Variants in EGFR observed in about 807,000 individuals in gnomAD.
EGFR encodes the protein avian erythroblastic leukemia viral (v-erb-b) oncogene homolog.
Under a neutral mutation model 143.0 loss-of-function variants are expected in EGFR, and 58 were observed. The observed-to-expected ratio is 0.41, with a 90% CI of 0.33 to 0.50. The LOEUF (loss-of-function observed/expected upper bound fraction) is 0.50. Ranked by LOEUF, EGFR falls within the 20% of genes least tolerant of loss-of-function variation. The probability of loss-of-function intolerance (pLI) is 0.39; values close to 1 mark genes in which losing one functional copy is unlikely to be tolerated. For missense variants in EGFR, 1,307 were observed against 1,579.0 expected (o/e 0.83, Z 2.92); for synonymous variants, 613 against 594.4 (o/e 1.03, Z -0.45).
intron 20 of EGFR, among the ~76,000 whole-genome samples, chr7:55,191,511 G>A (rs999364123): frequency 3.3e-5 from 5 of 152,180 alleles, no homozygotes; most frequent in Non-Finnish European, 7.3e-5. Context: ...TTGAGGAACT[G>A]GATGGAGAAA....
At chr7:55,055,723 C>A (rs6954181) in intron 1 of EGFR, among the ~76,000 whole-genome samples, 1,679 of 147,948 alleles carry the variant, frequency 0.011, 29 homozygotes, top group African/African-American at 0.036. Context: ...CACACACACA[C>A]CACACACACA....
chr7:55,135,460 A>G (rs1794082943), intron 1 of EGFR, among the ~76,000 whole-genome samples: 1 of 152,096 alleles, frequency 6.6e-6, no homozygotes, highest in South Asian at 2.1e-4. Context: ...TTTGACAGGT[A>G]TCTTTGGATG....
intron 14 of EGFR, 97 bp downstream of exon 14, chr7:55,163,920 G>A: frequency 1.4e-6 from 2 of 1,402,954 alleles, no homozygotes; most frequent in Non-Finnish European, 1.0e-6. Context: ...GTGTGGGCAG[G>A]ACGGCCATCA....
intron 1 of EGFR, among the ~76,000 whole-genome samples, chr7:55,137,159 G>A (rs1397351531): frequency 6.6e-6 from 1 of 152,104 alleles, no homozygotes; most frequent in African/African-American, 2.4e-5. Context: ...TAGAGGGTAG[G>A]CCTTTAAGCG....
At chr7:55,157,610 A>G in intron 10 of EGFR, 53 bp from the exon 11 acceptor site, 1 of 1,505,950 alleles carries the variant, frequency 6.6e-7, no homozygotes, top group African/African-American at 1.4e-5. Flanking sequence ...TGTCTCATAC[A>G]AAAAAGAAAC....
At chr7:55,067,242 G>A (rs1163625711) in intron 1 of EGFR, among the ~76,000 whole-genome samples, 1 of 152,100 alleles carries the variant, frequency 6.6e-6, no homozygotes, top group Admixed American at 6.5e-5. Flanking sequence ...AGGTGGTTGT[G>A]TCTGCAGGAA....
At chr7:55,082,653 C>T (rs915689254) in intron 1 of EGFR, among the ~76,000 whole-genome samples, 9 of 152,212 alleles carry the variant, frequency 5.9e-5, no homozygotes, top group African/African-American at 1.9e-4. Flanking sequence ...ATAGACCACT[C>T]GTCCCTGTGG....
chr7:55,194,557 T>C (rs193092072), intron 22 of EGFR, among the ~76,000 whole-genome samples: 1 of 152,190 alleles, frequency 6.6e-6, no homozygotes. Context: ...CCTCCAGGTA[T>C]GTTCAGATAA....
At chr7:55,165,861 G>GT (rs1442200124) in intron 15 of EGFR, among the ~76,000 whole-genome samples, 1 of 152,210 alleles carries the variant, frequency 6.6e-6, no homozygotes, top group Non-Finnish European at 1.5e-5. Context: ...CTAGTTGATT[G>GT]TTAAGCTGTT....
chr7:55,156,817 G>A lies in EGFR; in HGVS notation c.1192G>A (p.Val398Ile), dbSNP rs757265130. Residue 398 changes from valine (V) to isoleucine (I), a missense_variant, in exon 10 of 28, where the codon GTA (valine) becomes ATA (isoleucine). Physicochemically the swap from Val to Ile is conservative, Grantham distance 29. Coordinates refer to ENST00000275493, the MANE Select transcript of EGFR (RefSeq NM_005228.5). The part of the protein sequence containing the change: ...DPQELDILKT[V>I]KEITGFLLIQ... ...ACAGGAACTGGATATTCTGAAAACCGTAAAGGAAATCACAGGTTTGAGCTG... is the reference window on the plus strand; with the variant it reads ...ACAGGAACTGGATATTCTGAAAACCATAAAGGAAATCACAGGTTTGAGCTG... 2.5e-6 allele frequency: 4 copies of A among 1,614,212 alleles called. No individual in the cohort carries two copies. The highest frequency in any genetic ancestry group is 2.2e-5 in the East Asian group (1 of 44,878).
intron 1 of EGFR, among the ~76,000 whole-genome samples, chr7:55,068,556 T>C (rs778698663): frequency 1.3e-5 from 2 of 152,228 alleles, no homozygotes; most frequent in African/African-American, 2.4e-5. Context: ...ACAGTGATCC[T>C]CATCACTAGC....
chr7:55,059,595 C>T (rs1789048274), intron 1 of EGFR, among the ~76,000 whole-genome samples: 1 of 152,076 alleles, frequency 6.6e-6, no homozygotes, highest in African/African-American at 2.4e-5. Flanking sequence ...TCTCCTGGCC[C>T]TACAAGTCCC....
At chr7:55,138,642 T>C (rs970631831) in intron 1 of EGFR, among the ~76,000 whole-genome samples, 3 of 152,244 alleles carry the variant, frequency 2.0e-5, no homozygotes, top group African/African-American at 7.2e-5. Context: ...ATGCATGTTA[T>C]GTTATGTTTC....
chr7:55,144,773 C>T (rs1260464742), intron 3 of EGFR, among the ~76,000 whole-genome samples: 1 of 152,226 alleles, frequency 6.6e-6, no homozygotes, highest in Non-Finnish European at 1.5e-5. Flanking sequence ...GCCTGGACCT[C>T]CGAGCCAGAC....
At chr7:55,162,980 CGGG>C (rs1785782330) in intron 13 of EGFR, among the ~76,000 whole-genome samples, 1 of 152,172 alleles carries the variant, frequency 6.6e-6, no homozygotes. Flanking sequence ...TTAGTAGAGA[CGGG>C]GTTTCACCAC....
chr7:55,086,039 C>A (rs1009262303), intron 1 of EGFR, among the ~76,000 whole-genome samples: 2 of 149,508 alleles, frequency 1.3e-5, no homozygotes, highest in African/African-American at 4.9e-5. Context: ...CTATTAACTA[C>A]CTTATGAGAG....
intron 1 of EGFR, among the ~76,000 whole-genome samples, chr7:55,080,049 T>C (rs1790375119): frequency 6.6e-6 from 1 of 152,230 alleles, no homozygotes; most frequent in African/African-American, 2.4e-5. Flanking sequence ...TCATACTTTT[T>C]GTGTCAGGTT....
chr7:55,049,007 C>T (rs1166582193), intron 1 of EGFR, among the ~76,000 whole-genome samples: 5 of 152,192 alleles, frequency 3.3e-5, no homozygotes, highest in South Asian at 2.1e-4. Flanking sequence ...AGCACAGATG[C>T]CCTACAGCAG....
intron 12 of EGFR, 22 bp downstream of exon 12, chr7:55,160,360 A>G (rs1558544): frequency 6.2e-7 from 1 of 1,609,722 alleles, no homozygotes; most frequent in East Asian, 2.2e-5. Flanking sequence ...CTTTCTGTTT[A>G]GTTTATGGAG....
Sources: allele counts gnomAD v4.1 joint callset (sites outside exome capture counted in the v4.1 genomes callset), GRCh38; gene constraint gnomAD v4.1.1; transcripts MANE v1.5; gene names NCBI Gene and HGNC (gene_info 2026-07-23, HGNC 2026-07-21).